Variants in ACTR2 observed in about 807,000 individuals in gnomAD.
ACTR2 encodes the protein actin-related protein 2.
ACTR2 carries 5 observed loss-of-function variants against 50.2 expected under a neutral mutation model. That is an observed-to-expected ratio of 0.10 (90% CI 0.05 to 0.21). The LOEUF (loss-of-function observed/expected upper bound fraction) is 0.21, where lower values mean the gene tolerates loss of function less well. Among genes scored for constraint, ACTR2 ranks in the 10% least tolerant of loss-of-function variants. ACTR2 has a pLI of 1.00. For synonymous variants in ACTR2, 140 were observed against 162.9 expected, an observed-to-expected ratio of 0.86 and a Z score of 1.07; for missense variants, 180 against 480.6, an observed-to-expected ratio of 0.37 and a Z score of 5.85.
chr2:65,242,242 A>G (rs192140951), intron 2 of ACTR2, among the ~76,000 whole-genome samples: 35 of 152,280 alleles, frequency 2.3e-4, no homozygotes, highest in East Asian at 1.3e-3. Flanking sequence ...ATTAAGTCCT[A>G]TACTTTCCTG....
chr2:65,240,691 G>A (rs987092614), intron 2 of ACTR2, among the ~76,000 whole-genome samples: 2 of 152,188 alleles, frequency 1.3e-5, no homozygotes, highest in Non-Finnish European at 2.9e-5. Context: ...TCACCAGTTG[G>A]CTTTAAGTTC....
intron 1 of ACTR2, among the ~76,000 whole-genome samples, chr2:65,236,301 A>G (rs990392082): frequency 1.3e-5 from 2 of 149,852 alleles, no homozygotes; most frequent in African/African-American, 2.5e-5. Flanking sequence ...ACGTCACTGC[A>G]CTCCAGCCTG....
chr2:65,264,980 T>C, intron 7 of ACTR2, 63 bp from the exon 8 acceptor site: 1 of 1,587,990 alleles, frequency 6.3e-7, no homozygotes, highest in Non-Finnish European at 8.6e-7. Flanking sequence ...TAAGTAACAG[T>C]AACCCTGAGA....
chr2:65,237,925 C>T (rs1671770387), intron 1 of ACTR2, among the ~76,000 whole-genome samples: 1 of 152,074 alleles, frequency 6.6e-6, no homozygotes, highest in Non-Finnish European at 1.5e-5. Flanking sequence ...GCGGTGGAGG[C>T]CAAGCTTGCA....
chr2:65,258,140 A>G (rs1672186713), intron 6 of ACTR2, among the ~76,000 whole-genome samples: 1 of 152,142 alleles, frequency 6.6e-6, no homozygotes, highest in African/African-American at 2.4e-5. Context: ...CAGTTTCTCT[A>G]GTTGTCTGAT....
At chr2:65,261,148 G>T in intron 6 of ACTR2, 99 bp from the exon 7 acceptor site, 1 of 1,143,946 alleles carries the variant, frequency 8.7e-7, no homozygotes, top group Non-Finnish European at 1.2e-6. Flanking sequence ...TAATGATTTT[G>T]GTTACAGAAC....
At chr2:65,244,676 G>C (rs1214716072) in intron 2 of ACTR2, among the ~76,000 whole-genome samples, 1 of 152,216 alleles carries the variant, frequency 6.6e-6, no homozygotes, top group Middle Eastern at 3.4e-3. Context: ...GGTTGGGTGT[G>C]GTGATTCATG....
intron 8 of ACTR2, among the ~76,000 whole-genome samples, chr2:65,266,796 C>T (rs550835752): frequency 6.6e-6 from 1 of 152,222 alleles, no homozygotes; most frequent in Admixed American, 6.5e-5. Flanking sequence ...GATTGCCATG[C>T]AGCAGGAAGG....
chr2:65,230,403 ATTTTTTTTTTT>A (rs11299935), intron 1 of ACTR2, among the ~76,000 whole-genome samples: 14 of 78,176 alleles, frequency 1.8e-4, no homozygotes, highest in Admixed American at 6.3e-4. Context: ...ACCGAAGCTG[ATTTTTTTTTTT>A]TTTTTTTTTT....
intron 1 of ACTR2, among the ~76,000 whole-genome samples, chr2:65,231,159 G>A (rs892923696): frequency 6.6e-6 from 1 of 151,882 alleles, no homozygotes; most frequent in South Asian, 2.1e-4. Flanking sequence ...TGTCATAAAT[G>A]AAAAAAGTGA....
intron 8 of ACTR2, among the ~76,000 whole-genome samples, 156 bp from the exon 9 acceptor site, chr2:65,268,408 A>G (rs1350731344): frequency 7.3e-6 from 1 of 136,322 alleles, no homozygotes; most frequent in Non-Finnish European, 1.6e-5. Context: ...GCAAATTACT[A>G]AATGTTTCTG....
chr2:65,230,763 C>G (rs942451858), intron 1 of ACTR2, among the ~76,000 whole-genome samples: 8 of 151,718 alleles, frequency 5.3e-5, no homozygotes, highest in African/African-American at 1.9e-4. Context: ...CATTAGAAGG[C>G]TGATTTTAGG....
At chr2:65,253,917 C>G (rs1233644136) in intron 5 of ACTR2, 53 bp downstream of exon 5, 3 of 1,488,064 alleles carry the variant, frequency 2.0e-6, no homozygotes, top group Non-Finnish European at 2.8e-6. Context: ...TGTTTACCAC[C>G]TTAACACAGA....
At chr2:65,252,252 G>C (rs1250696928) in intron 4 of ACTR2, among the ~76,000 whole-genome samples, 1 of 151,784 alleles carries the variant, frequency 6.6e-6, no homozygotes, top group East Asian at 1.9e-4. Flanking sequence ...TTTTGCAATG[G>C]AAATCCTCTT....
At chr2:65,236,126 G>T (rs1362786295) in intron 1 of ACTR2, among the ~76,000 whole-genome samples, 1 of 152,124 alleles carries the variant, frequency 6.6e-6, no homozygotes, top group Non-Finnish European at 1.5e-5. Context: ...ATTACATGAG[G>T]TCAGGAGTTA....
At chr2:65,238,397 C>T (rs946905625) in intron 1 of ACTR2, among the ~76,000 whole-genome samples, 14 of 151,362 alleles carry the variant, frequency 9.2e-5, no homozygotes, top group Non-Finnish European at 1.5e-4. Context: ...CGGTGGCTCA[C>T]GCCTGTAATC....
intron 7 of ACTR2, 106 bp downstream of exon 7, chr2:65,261,498 T>C: frequency 9.0e-7 from 1 of 1,111,688 alleles, no homozygotes; most frequent in South Asian, 1.9e-5. Flanking sequence ...TGACTAAGTT[T>C]ATAAACTTAC....
At position 65,265,037 on chromosome 2, in the gene ACTR2, T is replaced by G; in HGVS notation, c.882-6T>G. On this transcript the variant is annotated splice_region_variant and splice_polypyrimidine_tract_variant and intron_variant, in intron 7 of 8. Coordinates refer to ENST00000260641, the MANE Select transcript of ACTR2 (RefSeq NM_005722.4). ...CTCCAAATGAATAACCATTGTGCCT[T>G]TCTAGATCTGAATTCTACAAACACA... is the stretch of plus-strand genomic sequence containing the variant. 1 of 1,614,142 alleles carries G rather than the reference T, an allele frequency of 6.2e-7. No individual in the cohort carries two copies. Among genetic ancestry groups the G allele is most frequent in the Non-Finnish European group, 8.5e-7 (1 of 1,180,002 alleles).
chr2:65,230,403 A>ATTTTT (rs11299935), intron 1 of ACTR2, among the ~76,000 whole-genome samples: 3 of 78,180 alleles, frequency 3.8e-5, no homozygotes, highest in Admixed American at 3.1e-4. Flanking sequence ...ACCGAAGCTG[A>ATTTTT]TTTTTTTTTT....
Sources: allele counts gnomAD v4.1 joint callset (sites outside exome capture counted in the v4.1 genomes callset), GRCh38; gene constraint gnomAD v4.1.1; transcripts MANE v1.5; gene names NCBI Gene and HGNC (gene_info 2026-07-23, HGNC 2026-07-21).